The following CLYBL variants were observed in gnomAD, a reference collection of about 807,000 sequenced individuals.
The protein encoded by CLYBL is citramalyl-CoA lyase, mitochondrial.
In CLYBL, 31 loss-of-function variants were observed where a neutral mutation model predicts 38.9. The observed-to-expected ratio is 0.80, with a 90% confidence interval of 0.60 to 1.08. CLYBL has a LOEUF of 1.08. CLYBL is among the 50% of genes least tolerant of loss of function. CLYBL has a pLI of 0.00. For missense variants in CLYBL, 434 were observed against 411.6 expected (o/e 1.05, Z -0.47); for synonymous variants, 171 against 158.6 (o/e 1.08, Z -0.59).
At chr13:99,685,065 G>A (rs1177188406) in intron 1 of CLYBL, among the ~76,000 whole-genome samples, 3 of 152,176 alleles carry the variant, frequency 2.0e-5, no homozygotes, top group African/African-American at 7.2e-5. Flanking sequence ...AATTTTCAAA[G>A]TGGTGCATGG....
chr13:99,859,399 C>T (rs1448591788), intron 3 of CLYBL, among the ~76,000 whole-genome samples: 3 of 152,190 alleles, frequency 2.0e-5, no homozygotes, highest in Non-Finnish European at 4.4e-5. Context: ...TAAGCCAAGG[C>T]CTCCACCTGG....
downstream of CLYBL, chr13:99,892,640 A>T (rs765305437): frequency 1.3e-4 from 20 of 152,636 alleles, no homozygotes; most frequent in Non-Finnish European, 2.6e-4. Flanking sequence ...CCTTTTCATG[A>T]CCTACACAGC....
intron 1 of CLYBL, among the ~76,000 whole-genome samples, chr13:99,741,880 G>A (rs1218762021): frequency 6.6e-6 from 1 of 152,170 alleles, no homozygotes; most frequent in Non-Finnish European, 1.5e-5. Flanking sequence ...TTTCCTTAGG[G>A]ACAGAAACAT....
intron 1 of CLYBL, among the ~76,000 whole-genome samples, chr13:99,668,601 A>G (rs1238489543): frequency 4.1e-5 from 6 of 147,096 alleles, no homozygotes; most frequent in African/African-American, 9.9e-5. Flanking sequence ...AAAAAAAAAG[A>G]AAAAAAGAAT....
chr13:99,885,333 A>G (rs1424997189), intron 7 of CLYBL, among the ~76,000 whole-genome samples: 1 of 152,156 alleles, frequency 6.6e-6, no homozygotes, highest in Non-Finnish European at 1.5e-5. Context: ...AAGGGCCTTC[A>G]GAGAGAGAAC....
intron 2 of CLYBL, among the ~76,000 whole-genome samples, chr13:99,854,611 G>A (rs1234607814): frequency 6.6e-6 from 1 of 152,168 alleles, no homozygotes; most frequent in Non-Finnish European, 1.5e-5. Flanking sequence ...GAGTGTAAAA[G>A]TGGACGGATG....
chr13:99,716,312 C>T (rs1315241368), intron 1 of CLYBL, among the ~76,000 whole-genome samples: 15 of 146,076 alleles, frequency 1.0e-4, no homozygotes, highest in African/African-American at 3.8e-4. Context: ...GCCCGGCAGA[C>T]GTCATTTTTC....
At chr13:99,789,209 T>G (rs2049864395) in intron 2 of CLYBL, among the ~76,000 whole-genome samples, 1 of 152,124 alleles carries the variant, frequency 6.6e-6, no homozygotes, top group African/African-American at 2.4e-5. Flanking sequence ...CAGTTCTGCT[T>G]TGATCTTAGC....
Position 99,625,596 on chromosome 13 carries a change from G to A in CLYBL, c.62+18839G>A, listed in dbSNP as rs559397881. Among the ~76,000 whole-genome samples the A allele has an allele frequency of 1.6e-4, 24 of 152,208 alleles. No individual in the cohort carries two copies. In the South Asian group the frequency reaches 5.0e-3, roughly 32 times the overall value. On this transcript the variant is annotated intron_variant, in intron 1 of 8. Transcript: ENST00000339105. ...TTTTAAAAAAATACTTTTAAATCTG[G>A]GTTTTAGGAAGGACAAGCCATTTCT... is the stretch of plus-strand genomic sequence containing the variant.
At chr13:99,659,862 AG>A (rs1443051144) in intron 1 of CLYBL, among the ~76,000 whole-genome samples, 1 of 152,206 alleles carries the variant, frequency 6.6e-6, no homozygotes, top group Non-Finnish European at 1.5e-5. Context: ...TTCTCTGGGC[AG>A]GGGCCTCCTG....
rs184570178 is a variant in CLYBL at position 99,606,726 on chromosome 13, C to T, written c.31C>T (p.Arg11Cys). MALRLLRRAA[R>C]GAAAAALLRL... ...GCTACGTCTGCTGCGGAGGGCGGCGCGCGGAGCTGCGGCGGCGGCGCTGCT... is the reference window on the plus strand; with the variant it reads ...GCTACGTCTGCTGCGGAGGGCGGCGTGCGGAGCTGCGGCGGCGGCGCTGCT... The change falls in exon 1 of 9, where the codon CGC becomes TGC. Residue 11 changes from arginine to cysteine, a missense_variant. Transcript: ENST00000339105. 2.7e-4 allele frequency: 404 copies of T among 1,490,350 alleles called. No individual in the cohort carries two copies. In the African/African-American group the frequency reaches 3.2e-3, roughly 12 times the overall value. The allele number at this position is 1,490,350 out of a possible 1,614,324, so 92.3% of individuals were successfully genotyped here.
chr13:99,673,755 G>A (rs1039468390), intron 1 of CLYBL, among the ~76,000 whole-genome samples: 2 of 152,220 alleles, frequency 1.3e-5, no homozygotes, highest in African/African-American at 4.8e-5. Flanking sequence ...TTTTTAAACA[G>A]ATCCCTCCAG....
chr13:99,634,548 T>G (rs1292448431), intron 1 of CLYBL, among the ~76,000 whole-genome samples: 1 of 152,194 alleles, frequency 6.6e-6, no homozygotes, highest in Non-Finnish European at 1.5e-5. Context: ...AGTGATAACC[T>G]TCCCCGTGGA....
chr13:99,890,547 C>G (rs2052462759), intron 7 of CLYBL, among the ~76,000 whole-genome samples: 1 of 152,138 alleles, frequency 6.6e-6, no homozygotes, highest in Non-Finnish European at 1.5e-5. Flanking sequence ...CTCACTGCAA[C>G]CTCCACCTCC....
intron 1 of CLYBL, among the ~76,000 whole-genome samples, chr13:99,646,815 C>A (rs924309089): frequency 6.6e-6 from 1 of 152,010 alleles, no homozygotes; most frequent in Non-Finnish European, 1.5e-5. Flanking sequence ...TGAGCCACCA[C>A]GCCTGGCTGG....
chr13:99,762,300 G>A (rs1024630735), intron 1 of CLYBL, among the ~76,000 whole-genome samples: 4 of 152,062 alleles, frequency 2.6e-5, no homozygotes, highest in African/African-American at 9.7e-5. Flanking sequence ...AAAGTTTCAG[G>A]TCTTAGATTT....
Position 99,858,993 on chromosome 13 carries a change from G to A in CLYBL, c.382G>A (p.Val128Ile), listed in dbSNP as rs35680839. 74,748 of 1,613,898 alleles carry A rather than the reference G, an allele frequency of 0.046. 2,449 individuals are homozygous for A. The highest frequency in any genetic ancestry group is 0.17 in the East Asian group (7,813 of 44,846). Reference protein sequence around the residue: ...EDLETLLQSRVLPSSLMLPKV... With the variant: ...EDLETLLQSRILPSSLMLPKV... ...CCTAGAGACCCTTTTGCAATCCCGG[G>A]TCCTTCCTTCCAGCCTGATGCTACC... The change falls in exon 3 of 9, where the codon GTC (valine) becomes ATC (isoleucine). Residue 128 changes from valine to isoleucine, a missense_variant. Transcript: ENST00000339105.
chr13:99,711,352 G>A (rs1382049564), intron 1 of CLYBL, among the ~76,000 whole-genome samples: 3 of 150,684 alleles, frequency 2.0e-5, no homozygotes, highest in South Asian at 2.1e-4. Context: ...GTCCACAGAC[G>A]CACACCTTCT....
At chr13:99,736,317 T>C (rs2048667570) in intron 1 of CLYBL, among the ~76,000 whole-genome samples, 1 of 151,900 alleles carries the variant, frequency 6.6e-6, no homozygotes, top group Non-Finnish European at 1.5e-5. Flanking sequence ...GGGATTACAG[T>C]ATGAGCCACC....
Sources: allele counts gnomAD v4.1 joint callset (sites outside exome capture counted in the v4.1 genomes callset), GRCh38; gene constraint gnomAD v4.1.1; transcripts MANE v1.5; gene names NCBI Gene and HGNC (gene_info 2026-07-23, HGNC 2026-07-21).